SZT2: variants seen among roughly 807,000 people sequenced by gnomAD.
The protein encoded by SZT2 is KICSTOR complex protein SZT2.
Under a neutral mutation model 404.2 loss-of-function variants are expected in SZT2, and 216 were observed. The ratio of observed to expected loss-of-function variants is 0.53; its 90% CI spans 0.48 to 0.60. The LOEUF (loss-of-function observed/expected upper bound fraction) is 0.60. Among genes scored for constraint, SZT2 ranks in the 20% least tolerant of loss-of-function variants. The probability of loss-of-function intolerance (pLI) is 0.00; values close to 1 mark genes in which losing one functional copy is unlikely to be tolerated. For synonymous variants in SZT2, 1,693 were observed against 1,749.9 expected, an observed-to-expected ratio of 0.97 and a Z score of 0.81; for missense variants, 3,857 against 4,459.2, an observed-to-expected ratio of 0.86 and a Z score of 3.85.
Position 43,421,295 on chromosome 1 carries a change from A to G in SZT2, c.1618A>G (p.Thr540Ala). 2 of 1,598,436 alleles carry G rather than the reference A, an allele frequency of 1.3e-6. No individual in the cohort carries two copies. Among genetic ancestry groups the G allele is most frequent in the Non-Finnish European group, 1.7e-6 (2 of 1,179,784 alleles). Residue 540 changes from threonine (T) to alanine (A), a missense_variant, in exon 11 of 72, where the codon ACC becomes GCC. Coordinates refer to ENST00000634258, the MANE Select transcript of SZT2 (RefSeq NM_001365999.1). ...ACTCTTCTACATCCCTCCAGGCTCCACCACCCCGGTGAGTAGCTCTGAAGT... is the reference window on the plus strand; with the variant it reads ...ACTCTTCTACATCCCTCCAGGCTCCGCCACCCCGGTGAGTAGCTCTGAAGT... ...VPLFYIPPGS[T>A]TPVLSLQPSG...
intron 11 of SZT2, 68 bp downstream of exon 11, chr1:43,421,371 G>T: frequency 6.4e-7 from 1 of 1,566,052 alleles, no homozygotes; most frequent in Non-Finnish European, 8.6e-7. Context: ...CTGGAGCCCA[G>T]GACCACCACC....
rs765628960 is a variant in SZT2, at chr1:43,420,824, C to T, written c.1337C>T (p.Pro446Leu). Residue 446 changes from proline (P) to leucine (L), a missense_variant, in exon 10 of 72, where the codon CCC becomes CTC. Pro to Leu is a moderately conservative substitution (Grantham distance 98, BLOSUM62 -3). Coordinates refer to ENST00000634258, the MANE Select transcript of SZT2 (RefSeq NM_001365999.1). The surrounding 1 kb of genome is among the most constrained non-coding windows in gnomAD (Gnocchi z 5.1). ...NMRIEYVAMA[P>L]WPLEPEGPRV... ...CGCATTGAGTATGTGGCTATGGCAC[C>T]CTGGCCCCTGGAGCCTGAGGGCCCT... is the stretch of plus-strand genomic sequence containing the variant. 13 of 1,598,424 alleles carry T rather than the reference C, an allele frequency of 8.1e-6. No individual in the cohort carries two copies. The highest frequency in any genetic ancestry group is 1.1e-5 in the Non-Finnish European group (13 of 1,179,796).
Position 43,441,685 on chromosome 1 carries a change from G to C in SZT2, c.7610-1G>C. The C allele has an allele frequency of 6.2e-7, 1 of 1,614,114 alleles. No individual in the cohort carries two copies. Among genetic ancestry groups the C allele is most frequent in the East Asian group, 2.2e-5 (1 of 44,880 alleles). ...TCCACAGTGACTCCTCTGCCTCCTA[G>C]GTTGTGCCTCAGTGTCCAGAAGCTC... is the stretch of plus-strand genomic sequence containing the variant. On this transcript the variant is annotated splice_acceptor_variant, in intron 54 of 71. Transcript: ENST00000634258. LOFTEE classifies it high-confidence loss of function. The surrounding 1 kb of genome is among the most constrained non-coding windows in gnomAD (Gnocchi z 4.8).
chr1:43,432,026 C>T (rs996416088), intron 36 of SZT2, 125 bp downstream of exon 36: 8 of 1,270,860 alleles, frequency 6.3e-6, no homozygotes, highest in Non-Finnish European at 8.9e-6. Context: ...TCTCCCTGCT[C>T]ACCACATCAT....
intron 7 of SZT2, among the ~76,000 whole-genome samples, chr1:43,419,037 A>G (rs1652025667): frequency 6.6e-6 from 1 of 152,226 alleles, no homozygotes; most frequent in Non-Finnish European, 1.5e-5. Flanking sequence ...AGGGACTTGA[A>G]TGAGTAATCT....
intron 3 of SZT2, 88 bp downstream of exon 3, chr1:43,403,862 C>T (rs1037038092): frequency 3.5e-6 from 5 of 1,418,896 alleles, no homozygotes; most frequent in Non-Finnish European, 4.9e-6. Context: ...AAAAATGGTC[C>T]CAGCCTACCA....
intron 6 of SZT2, 42 bp downstream of exon 6, chr1:43,416,143 A>T (rs764938474): frequency 1.3e-6 from 2 of 1,588,902 alleles, no homozygotes; most frequent in East Asian, 4.5e-5. Context: ...AAGCAGGGAT[A>T]CAGGAAGGGT....
At chr1:43,444,389 G>T (rs145081294) in intron 62 of SZT2, among the ~76,000 whole-genome samples, 35 of 152,172 alleles carry the variant, frequency 2.3e-4, no homozygotes, top group African/African-American at 8.0e-4. Context: ...GAGCCATCAC[G>T]CCCGGCCTGC....
chr1:43,442,148 G>C lies in SZT2; in HGVS notation c.7873+18G>C, dbSNP rs766480470. The C allele has an allele frequency of 2.4e-5, 38 of 1,597,084 alleles. No individual in the cohort carries two copies. The highest frequency in any genetic ancestry group is 3.3e-5 in the South Asian group (3 of 90,216). On this transcript the variant is annotated intron_variant, in intron 56 of 71. Coordinates refer to ENST00000634258, the MANE Select transcript of SZT2 (RefSeq NM_001365999.1). The surrounding 1 kb of genome is among the most constrained non-coding windows in gnomAD (Gnocchi z 4.5). The stretch of plus-strand genomic sequence containing the variant: ...ACAGCAGGGTGAGGGCATGGCCCGG[G>C]GGGGCGGGGGGCGGGTAGGCTAAGA...
At chr1:43,429,530 A>T in intron 28 of SZT2, 173 bp from the exon 29 acceptor site, 2 of 699,204 alleles carry the variant, frequency 2.9e-6, no homozygotes, top group Non-Finnish European at 4.7e-6. Flanking sequence ...TATGGAGGTT[A>T]AAGCCAAAAT....
chr1:43,433,005 C>A lies in SZT2; in HGVS notation c.5619C>A (p.Ser1873Arg). 1 of 1,614,036 alleles carries A rather than the reference C, an allele frequency of 6.2e-7. No homozygotes were observed. The change falls in exon 40 of 72, where the codon AGC becomes AGA. Residue 1873 changes from serine to arginine, a missense_variant. Ser to Arg is a moderately radical substitution (Grantham distance 110, BLOSUM62 -1). Coordinates refer to ENST00000634258, the MANE Select transcript of SZT2 (RefSeq NM_001365999.1). The stretch of plus-strand genomic sequence containing the variant: ...CTGACACAGGTTATGATGGTGGCAG[C>A]AGTGGCTCAGACAGTGAGGGTCCCA... ...DSDHLGYDGGSSGSDSEGPND... is the reference protein window; with the variant it reads ...DSDHLGYDGGRSGSDSEGPND...
intron 51 of SZT2, 133 bp from the exon 52 acceptor site, chr1:43,440,320 C>T: frequency 1.5e-6 from 2 of 1,352,010 alleles, no homozygotes; most frequent in East Asian, 2.4e-5. Context: ...AGCACACTAT[C>T]AGTTGTATAT....
At position 43,425,069 on chromosome 1, in the gene SZT2, T is replaced by C; in HGVS notation, c.2551-44T>C. ...CCAGAGCTAGGCCAGGCCAGATCTC[T>C]GCCTTGGCTGGGATTTGCCCAAGAT... On this transcript the variant is annotated intron_variant, in intron 17 of 71. Transcript: ENST00000634258. This position sits in a 1 kb window ranked among gnomAD's most constrained non-coding sequence, Gnocchi z 4.3. 6.2e-7 allele frequency: 1 copy of C among 1,612,230 alleles called. No homozygotes were observed. Among genetic ancestry groups the C allele is most frequent in the Non-Finnish European group, 8.5e-7 (1 of 1,178,268 alleles).
At chr1:43,402,109 G>GT in intron 1 of SZT2, among the ~76,000 whole-genome samples, 1 of 152,320 alleles carries the variant, frequency 6.6e-6, no homozygotes, top group East Asian at 1.9e-4. Context: ...TCAACAGGTA[G>GT]TTATTAACTT....
chr1:43,442,235 A>T lies in SZT2; in HGVS notation c.7874-33A>T. On this transcript the variant is annotated intron_variant, in intron 56 of 71. Coordinates refer to ENST00000634258, the MANE Select transcript of SZT2 (RefSeq NM_001365999.1). This position sits in a 1 kb window ranked among gnomAD's most constrained non-coding sequence, Gnocchi z 4.5. ...GTGGGATCAAGGGGGATCTGTTCCC[A>T]GGCCCCTATTGTGCCCCTCCCCCAC... 2 of 1,605,546 alleles carry T rather than the reference A, an allele frequency of 1.2e-6. No individual in the cohort carries two copies. The highest frequency in any genetic ancestry group is 1.7e-6 in the Non-Finnish European group (2 of 1,175,564).
At chr1:43,433,332 G>T in intron 40 of SZT2, 142 bp downstream of exon 40, 1 of 842,400 alleles carries the variant, frequency 1.2e-6, no homozygotes, top group Non-Finnish European at 1.8e-6. Flanking sequence ...TCTTAGGTTG[G>T]TGGTTCCCGA....
Position 43,440,388 on chromosome 1 carries a change from G to A in SZT2, c.7211-65G>A, listed in dbSNP as rs960602485. 1.3e-5 allele frequency: 20 copies of A among 1,517,520 alleles called. No individual in the cohort carries two copies. The African/African-American group carries it at 2.1e-4, about 16-fold the overall frequency. 94.0% of individuals were successfully genotyped at this position (1,517,520 alleles called of 1,614,324 possible). On this transcript the variant is annotated intron_variant, in intron 51 of 71. Transcript: ENST00000634258. ...AAGTCACTGTCATACCAGTCTTGAGGTTCAGTTTTCTAGAATGGGGATTGA... is the reference window on the plus strand; with the variant it reads ...AAGTCACTGTCATACCAGTCTTGAGATTCAGTTTTCTAGAATGGGGATTGA...
rs1367556875 is a variant in SZT2 at position 43,392,321 on chromosome 1, C to T, written c.27+2326C>T. Among the ~76,000 whole-genome samples, 6 of 151,984 alleles carry T rather than the reference C, an allele frequency of 3.9e-5. No homozygotes were observed. In the East Asian group the frequency reaches 1.2e-3, roughly 29 times the overall value. On this transcript the variant is annotated intron_variant, in intron 1 of 71. Transcript: ENST00000634258. ...GCAACATTGTAAGTGCTCAGTAGCC[C>T]CATATAGTAGTCTTTACCATATAGA...
rs1403392691 is a variant in SZT2 at position 43,427,616 on chromosome 1, A to G, written c.3685A>G (p.Ser1229Gly). The G allele has an allele frequency of 1.2e-6, 2 of 1,614,088 alleles. No homozygotes were observed. The highest frequency in any genetic ancestry group is 1.7e-6 in the Non-Finnish European group (2 of 1,180,060). The change falls in exon 26 of 72, where the codon AGT becomes GGT. Residue 1229 changes from serine to glycine, a missense_variant. Ser to Gly is a moderately conservative substitution (Grantham distance 56). This residue lies in a region of SZT2 where 1,725 missense variants were observed against 1,881.0 expected (regional missense o/e 0.92). Coordinates refer to ENST00000634258, the MANE Select transcript of SZT2 (RefSeq NM_001365999.1). Reference protein sequence around the residue: ...YAGRQASQTESADGPRTRCPV... With the variant: ...YAGRQASQTEGADGPRTRCPV... The stretch of plus-strand genomic sequence containing the variant: ...TGGGCGTCAGGCTTCCCAGACAGAG[A>G]GTGCGGATGGGCCCCGGACCCGGTG...
Sources: gnomAD v4.1 joint callset for allele counts (sites outside exome capture counted in the v4.1 genomes callset) on GRCh38, gnomAD v4.1.1 for gene constraint, gnomAD v4.1.1 regional missense constraint, Gnocchi (gnomAD v3.1) non-coding constraint, MANE v1.5 for transcripts, NCBI Gene and HGNC (gene_info 2026-07-23, HGNC 2026-07-21) for gene names.